INPP4A: variants seen among roughly 807,000 people sequenced by gnomAD.
INPP4A encodes the protein inositol polyphosphate-4-phosphatase type I A.
INPP4A carries 33 observed loss-of-function variants against 119.8 expected under a neutral mutation model. The ratio of observed to expected loss-of-function variants is 0.28; its 90% confidence interval spans 0.21 to 0.37. INPP4A has a LOEUF of 0.37. INPP4A is among the 10% of genes least tolerant of loss of function. INPP4A has a pLI of 1.00. For synonymous variants in INPP4A, 496 were observed against 500.7 expected (o/e 0.99, Z 0.12); for missense variants, 956 against 1,289.9 (o/e 0.74, Z 3.97).
chr2:98,561,157 C>T (rs1695405233), intron 17 of INPP4A, among the ~76,000 whole-genome samples: 1 of 152,192 alleles, frequency 6.6e-6, no homozygotes, highest in Admixed American at 6.5e-5. Flanking sequence ...TGAAAGTGCT[C>T]TTCAAAGTTA....
At chr2:98,463,565 A>G (rs1404046166) in intron 1 of INPP4A, among the ~76,000 whole-genome samples, 1 of 152,224 alleles carries the variant, frequency 6.6e-6, no homozygotes, top group African/African-American at 2.4e-5. Context: ...AGGTGATGCA[A>G]AGTTACCAAC....
chr2:98,565,631 C>T lies in INPP4A; in HGVS notation c.2153-9C>T, dbSNP rs1696296211. ...CTGCCTGACAGCCCTGCCCCTCTCT[C>T]ATGTCCAGGGGAGGAGCTGGCAATG... On this transcript the variant is annotated splice_polypyrimidine_tract_variant and intron_variant, in intron 19 of 24. Transcript: ENST00000409851. The T allele has an allele frequency of 3.1e-6, 5 of 1,600,620 alleles. No individual in the cohort carries two copies. The highest frequency in any genetic ancestry group is 4.3e-6 in the Non-Finnish European group (5 of 1,170,352).
At chr2:98,568,343 A>G (rs1294778689) in intron 21 of INPP4A, among the ~76,000 whole-genome samples, 5 of 152,216 alleles carry the variant, frequency 3.3e-5, no homozygotes, top group Admixed American at 3.3e-4. Flanking sequence ...GTCATCTCTC[A>G]GGCACGCCTG....
intron 1 of INPP4A, among the ~76,000 whole-genome samples, chr2:98,478,508 TG>T (rs1381772005): frequency 6.6e-6 from 1 of 152,214 alleles, no homozygotes; most frequent in African/African-American, 2.4e-5. Context: ...GGCAGGGCTG[TG>T]GGGGTAGGGG....
In INPP4A at chr2:98,591,599, T is replaced by G. The variant is rs1453341455; in HGVS notation, c.*3991T>G. 6.6e-6 allele frequency: 1 copy of G among 152,190 alleles called. No individual in the cohort carries two copies. Among genetic ancestry groups the G allele is most frequent in the Non-Finnish European group, 1.5e-5 (1 of 68,060 alleles). The allele number at this position is 152,190 out of a possible 1,614,324, so 9.4% of individuals were successfully genotyped here. A position where few individuals can be genotyped will look rare whatever the true frequency, so the allele number is the denominator to read the frequency against. On this transcript the variant is annotated 3_prime_UTR_variant, in exon 25 of 25. Transcript: ENST00000409851. ...CCTGCCCTCCCTCCGCATGCCATTC[T>G]GGTGCTGCGCTTCAGTTTCCTGTTG...
rs1217947411 is a variant in INPP4A, at chr2:98,520,090, C to T, written c.42C>T (p.Ala14=). ...ACAGCCCTCGCCATGGTGCCAGGGCCCGTGCAATGCAGCGGGCTTCCACCA... is the reference window on the plus strand; with the variant it reads ...ACAGCCCTCGCCATGGTGCCAGGGCTCGTGCAATGCAGCGGGCTTCCACCA... The part of the protein sequence containing the change: ...REHSPRHGAR[A]RAMQRASTID... Residue 14 remains alanine, a synonymous_variant, in exon 3 of 25, where the codon GCC becomes GCT. Coordinates refer to ENST00000409851, the MANE Select transcript of INPP4A (RefSeq NM_001134225.2). The T allele has an allele frequency of 1.3e-6, 2 of 1,581,158 alleles. No homozygotes were observed. Among genetic ancestry groups the T allele is most frequent in the Non-Finnish European group, 1.7e-6 (2 of 1,162,326 alleles).
intron 1 of INPP4A, among the ~76,000 whole-genome samples, chr2:98,485,560 G>C (rs1457100600): frequency 6.6e-6 from 1 of 152,184 alleles, no homozygotes; most frequent in Non-Finnish European, 1.5e-5. Flanking sequence ...GTGTCTGGTT[G>C]TCCCTCCGAG....
In INPP4A at chr2:98,555,896, C is replaced by T. The variant is rs1694398760; in HGVS notation, c.1822+88C>T. ...TCTGTGTCTCTGACTCCATGCCCTCCTCCCCCATGCAGACTGCAGGGAGGG... is the reference window on the plus strand; with the variant it reads ...TCTGTGTCTCTGACTCCATGCCCTCTTCCCCCATGCAGACTGCAGGGAGGG... On this transcript the variant is annotated intron_variant, in intron 16 of 24. Transcript: ENST00000409851. The T allele has an allele frequency of 3.5e-6, 5 of 1,441,956 alleles. No homozygotes were observed. The South Asian group carries it at 4.1e-5, about 12-fold the overall frequency. The allele number at this position is 1,441,956 out of a possible 1,614,324, so 89.3% of individuals were successfully genotyped here.
chr2:98,456,749 A>G (rs1178627952), intron 1 of INPP4A, among the ~76,000 whole-genome samples: 1 of 152,248 alleles, frequency 6.6e-6, no homozygotes, highest in Non-Finnish European at 1.5e-5. Flanking sequence ...ATAGTGTTCA[A>G]CCATCGATTG....
intron 1 of INPP4A, among the ~76,000 whole-genome samples, chr2:98,504,188 A>G (rs1683630727): frequency 6.6e-6 from 1 of 152,230 alleles, no homozygotes; most frequent in Non-Finnish European, 1.5e-5. Context: ...ACAACCAGCA[A>G]CACAGCCGAG....
chr2:98,464,034 A>G (rs1208704786), intron 1 of INPP4A, among the ~76,000 whole-genome samples: 2 of 152,188 alleles, frequency 1.3e-5, no homozygotes, highest in African/African-American at 4.8e-5. Context: ...GGGCCTGCAG[A>G]TGGCTGTTTT....
chr2:98,575,748 G>C lies in INPP4A; in HGVS notation c.2632-1241G>C, dbSNP rs902126514. Among the ~76,000 whole-genome samples, 68 of 152,266 alleles carry C rather than the reference G, an allele frequency of 4.5e-4. 1 individual carries two copies. The highest frequency in any genetic ancestry group is 1.6e-3 in the African/African-American group (66 of 41,540). ...AGGTGTTGTGCCATCTTCAGGAGTT[G>C]ATGAGACACTGATATTTTTCTGGCA... is the stretch of plus-strand genomic sequence containing the variant. On this transcript the variant is annotated intron_variant, in intron 23 of 24. Transcript: ENST00000409851.
intron 14 of INPP4A, among the ~76,000 whole-genome samples, 191 bp downstream of exon 14, chr2:98,553,160 ACC>A (rs1693834112): frequency 1.3e-5 from 2 of 152,240 alleles, no homozygotes; most frequent in Non-Finnish European, 2.9e-5. Flanking sequence ...AGCTGGACAG[ACC>A]AAGGGCAGAG....
chr2:98,526,062 TA>T (rs1688128473), intron 4 of INPP4A, among the ~76,000 whole-genome samples: 1 of 152,224 alleles, frequency 6.6e-6, no homozygotes, highest in Admixed American at 6.5e-5. Flanking sequence ...AAATGTCTAT[TA>T]ACAGTAGAAT....
intron 5 of INPP4A, among the ~76,000 whole-genome samples, chr2:98,534,230 A>T (rs1432516288): frequency 1.3e-5 from 2 of 152,234 alleles, no homozygotes; most frequent in Non-Finnish European, 2.9e-5. Flanking sequence ...CTACACATCT[A>T]GCATAGTGCC....
chr2:98,500,304 C>G (rs1231811927), intron 1 of INPP4A, among the ~76,000 whole-genome samples: 1 of 152,066 alleles, frequency 6.6e-6, no homozygotes, highest in Non-Finnish European at 1.5e-5. Context: ...TGGTTGGTGT[C>G]TGTTTGATGA....
At chr2:98,473,857 C>T (rs1332954512) in intron 1 of INPP4A, among the ~76,000 whole-genome samples, 2 of 152,212 alleles carry the variant, frequency 1.3e-5, no homozygotes, top group East Asian at 3.8e-4. Flanking sequence ...GGGACATTTT[C>T]ATAACTTCTG....
intron 1 of INPP4A, among the ~76,000 whole-genome samples, chr2:98,463,726 A>G (rs1674110029): frequency 6.6e-6 from 1 of 152,228 alleles, no homozygotes; most frequent in Non-Finnish European, 1.5e-5. Context: ...TGTGCCTGCG[A>G]GACTGCTTAC....
Position 98,523,629 on chromosome 2 carries a change from C to T in INPP4A, c.151+2898C>T, listed in dbSNP as rs979574178. Among the ~76,000 whole-genome samples, 5 of 152,148 alleles carry T rather than the reference C, an allele frequency of 3.3e-5. No homozygotes were observed. The East Asian group carries it at 7.7e-4, about 23-fold the overall frequency. On this transcript the variant is annotated intron_variant, in intron 4 of 24. Transcript: ENST00000409851. ...CAGGATGGTCTCGATCTCCTGACCTCGTGATCTGCCCGCCTCGGCCTCCCA... is the reference window on the plus strand; with the variant it reads ...CAGGATGGTCTCGATCTCCTGACCTTGTGATCTGCCCGCCTCGGCCTCCCA...
Sources: gnomAD v4.1 joint callset for allele counts (sites outside exome capture counted in the v4.1 genomes callset) on GRCh38, gnomAD v4.1.1 for gene constraint, MANE v1.5 for transcripts, NCBI Gene and HGNC (gene_info 2026-07-23, HGNC 2026-07-21) for gene names.